The following BTBD9 variants were observed in gnomAD, a reference collection of about 807,000 sequenced individuals.
BTBD9 encodes the protein BTB/POZ domain-containing protein 9.
A neutral mutation model predicts 64.3 loss-of-function variants in BTBD9; 49 were observed. The ratio of observed to expected loss-of-function variants is 0.76; its 90% CI spans 0.61 to 0.97. The LOEUF (loss-of-function observed/expected upper bound fraction) is 0.97, where lower values mean the gene tolerates loss of function less well. Among genes scored for constraint, BTBD9 ranks in the 50% least tolerant of loss-of-function variants. BTBD9 has a pLI of 0.00. For missense variants in BTBD9, 598 were observed against 762.1 expected (o/e 0.78, Z 2.53); for synonymous variants, 260 against 274.7 (o/e 0.95, Z 0.53).
At chr6:38,601,750 C>A (rs1436956843) in intron 1 of BTBD9, among the ~76,000 whole-genome samples, 1 of 151,208 alleles carries the variant, frequency 6.6e-6, no homozygotes, top group African/African-American at 2.4e-5. Flanking sequence ...AACAAAGAGG[C>A]AAAAAAATCA....
Position 38,424,206 on chromosome 6 carries a change from T to C in BTBD9, c.1155-79113A>G, listed in dbSNP as rs148498880. Among the ~76,000 whole-genome samples the C allele has an allele frequency of 1.5e-3, 234 of 152,122 alleles. 4 individuals carry two copies. Among genetic ancestry groups the C allele is most frequent in the African/African-American group, 5.4e-3 (223 of 41,370 alleles). On this transcript the variant is annotated intron_variant, in intron 6 of 10. Transcript: ENST00000481247. ...CTGCACTGTAGGCTTTTACTTCTCA[T>C]TGCAGAATAAAAGTCTCTGGTTCCT...
intron 6 of BTBD9, among the ~76,000 whole-genome samples, chr6:38,520,874 T>C (rs56083119): frequency 0.19 from 28,817 of 152,018 alleles, 3,493 homozygotes; most frequent in Non-Finnish European, 0.29. Context: ...TTGAGCTCAG[T>C]AGAAAGAGGC....
chr6:38,592,918 A>G, intron 3 of BTBD9, 78 bp from the exon 4 acceptor site: 1 of 1,451,164 alleles, frequency 6.9e-7, no homozygotes, highest in Non-Finnish European at 9.4e-7. Context: ...AGCTTACAGG[A>G]CAAGTATAAC....
At chr6:38,600,976 A>G (rs1044753633) in intron 1 of BTBD9, among the ~76,000 whole-genome samples, 7 of 152,226 alleles carry the variant, frequency 4.6e-5, no homozygotes, top group Non-Finnish European at 7.3e-5. Flanking sequence ...ATTGGCATAC[A>G]TAAATAATTT....
Position 38,627,585 on chromosome 6 carries a change from G to A in BTBD9, c.-28+12215C>T, listed in dbSNP as rs561160555. Among the ~76,000 whole-genome samples the A allele has an allele frequency of 1.1e-4, 16 of 152,264 alleles. No homozygotes were observed. The East Asian group carries it at 1.4e-3, about 13-fold the overall frequency. On this transcript the variant is annotated intron_variant, in intron 1 of 10. Transcript: ENST00000481247. ...CATCCCCAAACACAAGAACAGCACC[G>A]GTGTTGGCAATGAACCAATGGTAAG...
At chr6:38,345,252 T>C (rs559730448) in intron 6 of BTBD9, among the ~76,000 whole-genome samples, 159 bp from the exon 7 acceptor site, 12 of 152,348 alleles carry the variant, frequency 7.9e-5, no homozygotes, top group African/African-American at 2.9e-4. Context: ...CTGCTCCTTA[T>C]GGGTAGCTCC....
intron 6 of BTBD9, among the ~76,000 whole-genome samples, chr6:38,453,019 A>G (rs1296956045): frequency 6.6e-6 from 1 of 152,170 alleles, no homozygotes; most frequent in Non-Finnish European, 1.5e-5. Flanking sequence ...TTCCAATACC[A>G]TTCATTCAAA....
At chr6:38,225,974 T>TGAGGCCA (rs1422111878) in intron 9 of BTBD9, among the ~76,000 whole-genome samples, 1 of 152,250 alleles carries the variant, frequency 6.6e-6, no homozygotes, top group East Asian at 1.9e-4. Flanking sequence ...GGCTTAACTA[T>TGAGGCCA]GAGGCCAAAG....
intron 6 of BTBD9, among the ~76,000 whole-genome samples, chr6:38,459,592 G>C (rs1448401712): frequency 6.6e-6 from 1 of 152,214 alleles, no homozygotes; most frequent in African/African-American, 2.4e-5. Context: ...GTCCCTGAGA[G>C]CCTACGAGGA....
At chr6:38,510,947 A>C (rs1772746546) in intron 6 of BTBD9, among the ~76,000 whole-genome samples, 2 of 152,160 alleles carry the variant, frequency 1.3e-5, no homozygotes, top group African/African-American at 4.8e-5. Context: ...TCATAAGTAG[A>C]AGGTATATGC....
chr6:38,615,626 C>T (rs532419953), intron 1 of BTBD9, among the ~76,000 whole-genome samples: 1 of 152,314 alleles, frequency 6.6e-6, no homozygotes, highest in Admixed American at 6.5e-5. Flanking sequence ...GTCTTGGCTC[C>T]TAACCACCCT....
chr6:38,248,882 A>C (rs938269052), intron 9 of BTBD9, among the ~76,000 whole-genome samples: 2 of 152,236 alleles, frequency 1.3e-5, no homozygotes, highest in African/African-American at 4.8e-5. Flanking sequence ...CTCATTTATA[A>C]ATCGAGGAGA....
At chr6:38,391,348 T>A (rs1766404230) in intron 6 of BTBD9, among the ~76,000 whole-genome samples, 1 of 152,188 alleles carries the variant, frequency 6.6e-6, no homozygotes, top group Non-Finnish European at 1.5e-5. Flanking sequence ...ATCTAGCACA[T>A]ATAGGTCACA....
At chr6:38,281,148 G>GA (rs951384858) in intron 8 of BTBD9, among the ~76,000 whole-genome samples, 5 of 152,184 alleles carry the variant, frequency 3.3e-5, no homozygotes, top group East Asian at 1.9e-4. Flanking sequence ...TATTAAGTAG[G>GA]AAAAAAATGG....
chr6:38,504,551 A>C (rs1772376371), intron 6 of BTBD9: 2 of 456,686 alleles, frequency 4.4e-6, no homozygotes, highest in South Asian at 3.1e-5. Context: ...TGTATCATAG[A>C]TCTCTCATAA....
intron 7 of BTBD9, among the ~76,000 whole-genome samples, chr6:38,302,230 C>T (rs1236079483): frequency 6.6e-6 from 1 of 151,922 alleles, no homozygotes; most frequent in Non-Finnish European, 1.5e-5. Context: ...CTTATTCCTC[C>T]TCTCTAACTG....
rs70981527 is a variant in BTBD9 at position 38,190,467 on chromosome 6, TAAAAA to T, written c.1641+2047_1641+2051del. Among the ~76,000 whole-genome samples the T allele has an allele frequency of 7.3e-3, 563 of 77,502 alleles. 6 individuals carry two copies. The highest frequency in any genetic ancestry group is 0.024 in the African/African-American group (521 of 21,426). The allele number at this position is 77,502 out of a possible 152,430, so 50.8% of individuals were successfully genotyped here. A position where few individuals can be genotyped will look rare whatever the true frequency, so the allele number is the denominator to read the frequency against. ...TTGGGTGACAGAGTGAAACTCTGTCTAAAAAAAAAAAAAAAAAAAAAAAGATGTTT... is the reference window on the plus strand; with the variant it reads ...TTGGGTGACAGAGTGAAACTCTGTCTAAAAAAAAAAAAAAAAAAGATGTTT... On this transcript the variant is annotated intron_variant, in intron 10 of 10. Transcript: ENST00000481247.
In BTBD9 at chr6:38,313,460, G is replaced by C. The variant is rs757227750; in HGVS notation, c.1265-24999C>G. ...AAGTGGACATCCTTGTCATGTTCCC[G>C]ATCTTAGAGGAAATGATTTCAGTTT... On this transcript the variant is annotated intron_variant, in intron 7 of 10. Transcript: ENST00000481247. Among the ~76,000 whole-genome samples, 3 of 152,222 alleles carry C rather than the reference G, an allele frequency of 2.0e-5. No individual in the cohort carries two copies. In the South Asian group the frequency reaches 6.2e-4, roughly 32 times the overall value.
chr6:38,547,507 T>C (rs1024542789), intron 6 of BTBD9, among the ~76,000 whole-genome samples: 5 of 152,190 alleles, frequency 3.3e-5, no homozygotes, highest in African/African-American at 1.2e-4. Context: ...ATAATAAAGT[T>C]CAAAATCCAC....
Sources: allele counts gnomAD v4.1 joint callset (sites outside exome capture counted in the v4.1 genomes callset), GRCh38; gene constraint gnomAD v4.1.1; transcripts MANE v1.5; gene names NCBI Gene and HGNC (gene_info 2026-07-23, HGNC 2026-07-21).